Variants in PDZD7 observed in about 807,000 individuals in gnomAD.
PDZD7 encodes PDZ domain-containing protein 7.
PDZD7 carries 72 observed loss-of-function variants against 84.7 expected under a neutral mutation model. That is an observed-to-expected ratio of 0.85 (90% CI 0.70 to 1.03). The LOEUF (loss-of-function observed/expected upper bound fraction) is 1.03. Among genes scored for constraint, PDZD7 ranks in the 50% least tolerant of loss-of-function variants. The probability of loss-of-function intolerance (pLI) is 0.00; values close to 1 mark genes in which losing one functional copy is unlikely to be tolerated. For synonymous variants in PDZD7, 594 were observed against 580.7 expected (o/e 1.02, Z -0.33); for missense variants, 1,490 against 1,412.9 (o/e 1.05, Z -0.87).
At position 101,011,446 on chromosome 10, in the gene PDZD7, T is replaced by C. The variant is rs77802680; in HGVS notation, c.2005+244A>G. On this transcript the variant is annotated intron_variant, in intron 14 of 16. Transcript: ENST00000619208. ...CCAAACGTAATTTCTCAGAGGTTAC[T>C]GCATAGAATGAGACTAGATTTTAAA... 51,541 of 1,141,160 alleles carry C rather than the reference T, an allele frequency of 0.045. 1,370 individuals are homozygous for C. The highest frequency in any genetic ancestry group is 0.05 in the Non-Finnish European group (43,079 of 855,476). The allele number at this position is 1,141,160 out of a possible 1,614,324, so 70.7% of individuals were successfully genotyped here.
chr10:101,024,020 C>A lies in PDZD7; in HGVS notation c.275G>T (p.Ser92Ile). ...GCTGAAGCCCAGCCTCCCTGCTGGACTCTTCTCCACCCGGACTGAATGGAT... is the reference window on the plus strand; with the variant it reads ...GCTGAAGCCCAGCCTCCCTGCTGGAATCTTCTCCACCCGGACTGAATGGAT... The part of the protein sequence containing the change: ...DIIHSVRVEK[S>I]PAGRLGFSVR... Residue 92 changes from serine (S) to isoleucine (I), a missense_variant, in exon 3 of 17, where the codon AGT becomes ATT. Coordinates refer to ENST00000619208, the MANE Select transcript of PDZD7 (RefSeq NM_001195263.2). 6.2e-7 allele frequency: 1 copy of A among 1,614,280 alleles called. No individual in the cohort carries two copies. The highest frequency in any genetic ancestry group is 1.1e-5 in the South Asian group (1 of 91,090).
In PDZD7 at chr10:101,030,176, C is replaced by T; in HGVS notation, c.44G>A (p.Gly15Glu). The stretch of plus-strand genomic sequence containing the variant: ...GCTCAGAGAGCCGGAGCTCAGGTCT[C>T]CTAGGCCCAGTGGGTCGAAGCCCAC... ...FAVGFDPLGL[G>E]DLSSGSLSSL... is the part of the protein sequence containing the mutation. Residue 15 changes from glycine (G) to glutamate (E), a missense_variant, in exon 2 of 17, where the codon GGA becomes GAA. Coordinates refer to ENST00000619208, the MANE Select transcript of PDZD7 (RefSeq NM_001195263.2). 9 of 1,613,598 alleles carry T rather than the reference C, an allele frequency of 5.6e-6. No homozygotes were observed. Among genetic ancestry groups the T allele is most frequent in the Non-Finnish European group, 7.6e-6 (9 of 1,179,894 alleles).
Position 101,008,653 on chromosome 10 carries a change from G to A in PDZD7, c.2916C>T (p.Asp972=), listed in dbSNP as rs2133992342. Residue 972 remains aspartate (D), a synonymous_variant, in exon 17 of 17, where the codon GAC becomes GAT. Coordinates refer to ENST00000619208, the MANE Select transcript of PDZD7 (RefSeq NM_001195263.2). ...CAAGGGGTTGGTGGGCAGGCAAGTG[G>A]TCAGCAGGAAGGCCCCCATCAGTAA... The part of the protein sequence containing the change: ...SALTDGGLPA[D]HLPAHQPLDA... The A allele has an allele frequency of 1.3e-6, 2 of 1,536,110 alleles. No homozygotes were observed. Among genetic ancestry groups the A allele is most frequent in the Non-Finnish European group, 8.7e-7 (1 of 1,146,896 alleles).
Position 101,021,956 on chromosome 10 carries a change from A to ACAGG in PDZD7, c.720-15_720-12dup. Reference sequence around the variant, plus strand: ...CCACCATGGTCCACTCTGAGGCCAGACAGGCGTCAGTCTGATAGGCCCCTG... The same window carrying ACAGG: ...CCACCATGGTCCACTCTGAGGCCAGACAGGCAGGCGTCAGTCTGATAGGCCCCTG... On this transcript the variant is annotated splice_polypyrimidine_tract_variant and intron_variant, in intron 5 of 16. Transcript: ENST00000619208. 6.2e-7 allele frequency: 1 copy of ACAGG among 1,614,074 alleles called. No homozygotes were observed. The highest frequency in any genetic ancestry group is 2.2e-5 in the East Asian group (1 of 44,872).
Position 101,016,421 on chromosome 10 carries a change from C to T in PDZD7, c.1529G>A (p.Gly510Asp), listed in dbSNP as rs564604670. Residue 510 changes from glycine to aspartate, a missense_variant, in exon 10 of 17, where the codon GGC becomes GAC. Coordinates refer to ENST00000619208, the MANE Select transcript of PDZD7 (RefSeq NM_001195263.2). ...GACAAACTTCTGTACCGGGCCCACG[C>T]CCCCTGCTATGAAGAAGAAAGAGGC... ...YPRLDIEKAG[G>D]VGPVQKFVTW... 1.2e-5 allele frequency: 18 copies of T among 1,550,614 alleles called. No individual in the cohort carries two copies. In the East Asian group the frequency reaches 4.4e-4, roughly 38 times the overall value.
rs1300718592 is a variant in PDZD7 at position 101,017,796 on chromosome 10, AAAG to A, written c.1522+300_1522+302del. ...AGCAAAACTCCATCTCAAAAAAAAAAAAGAAAGAAAAAGAAAGAAAGGAAAGAA... is the reference window on the plus strand; with the variant it reads ...AGCAAAACTCCATCTCAAAAAAAAAAAAAGAAAAAGAAAGAAAGGAAAGAA... On this transcript the variant is annotated intron_variant, in intron 9 of 16. Coordinates refer to ENST00000619208, the MANE Select transcript of PDZD7 (RefSeq NM_001195263.2). 3.2e-4 allele frequency: 152 copies of A among 468,454 alleles called. 1 individual carries two copies. The highest frequency in any genetic ancestry group is 3.2e-3 in the East Asian group (85 of 26,678). The allele number at this position is 468,454 out of a possible 1,614,324, so 29.0% of individuals were successfully genotyped here.
Position 101,010,352 on chromosome 10 carries a change from C to G in PDZD7, c.2537G>C (p.Gly846Ala). 1 of 1,535,504 alleles carries G rather than the reference C, an allele frequency of 6.5e-7. No homozygotes were observed. Among genetic ancestry groups the G allele is most frequent in the Non-Finnish European group, 8.7e-7 (1 of 1,146,330 alleles). ...KQGPSESGTE[G>A]TAKEAAMKNP... The stretch of plus-strand genomic sequence containing the variant: ...CTTCATGGCTGCCTCCTTGGCCGTC[C>G]CCTCAGTTCCACTCTCCGAGGGCCC... The change falls in exon 15 of 17, where the codon GGG becomes GCG. Residue 846 changes from glycine to alanine, a missense_variant. Transcript: ENST00000619208.
intron 11 of PDZD7, among the ~76,000 whole-genome samples, chr10:101,014,570 T>A (rs1852525109): frequency 6.6e-6 from 1 of 152,020 alleles, no homozygotes; most frequent in African/African-American, 2.4e-5. Context: ...GCCCCTTAGC[T>A]TCCCCCAGCA....
intron 2 of PDZD7, among the ~76,000 whole-genome samples, chr10:101,027,732 A>T (rs1937804570): frequency 6.6e-6 from 1 of 152,122 alleles, no homozygotes; most frequent in South Asian, 2.1e-4. Flanking sequence ...TTTGTGATTT[A>T]TCTGTCTCTT....
intron 9 of PDZD7, 26 bp downstream of exon 9, chr10:101,018,073 T>C: frequency 6.2e-7 from 1 of 1,614,084 alleles, no homozygotes; most frequent in South Asian, 1.1e-5. Context: ...CACTTTGCCT[T>C]CCTGTTTGAT....
At chr10:101,014,363 G>A (rs1852513313) in intron 11 of PDZD7, among the ~76,000 whole-genome samples, 1 of 152,094 alleles carries the variant, frequency 6.6e-6, no homozygotes, top group African/African-American at 2.4e-5. Flanking sequence ...GTTGAGCTCG[G>A]CAGGTGGTAT....
rs1590058025 is a variant in PDZD7 at position 101,018,130 on chromosome 10, G to A, written c.1491C>T (p.Ala497=). 1 of 1,614,148 alleles carries A rather than the reference G, an allele frequency of 6.2e-7. No homozygotes were observed. The highest frequency in any genetic ancestry group is 2.2e-5 in the East Asian group (1 of 44,872). ...CTATGTCCAGGCGAGGGTAAGTTTT[G>A]GCCAGGCTCCCGCTGTCCAGTGTCC... is the stretch of plus-strand genomic sequence containing the variant. ...EAWTLDSGSL[A]KTYPRLDIEK... The change falls in exon 9 of 17, where the codon GCC becomes GCT. Residue 497 remains alanine, a synonymous_variant. Transcript: ENST00000619208.
Position 101,010,708 on chromosome 10 carries a change from G to A in PDZD7, c.2181C>T (p.Pro727=). Residue 727 remains proline, a synonymous_variant, in exon 15 of 17, where the codon CCC becomes CCT. Transcript: ENST00000619208. ...LQDVPVDAFT[P]LRIACTPPPQ... ...GAGGGGGTGTGCAGGCAATTCGGAG[G>A]GGGGTGAAGGCATCTACTGGCACGT... is the stretch of plus-strand genomic sequence containing the variant. 2 of 1,377,142 alleles carry A rather than the reference G, an allele frequency of 1.5e-6. No individual in the cohort carries two copies. Among genetic ancestry groups the A allele is most frequent in the East Asian group, 3.8e-5 (1 of 26,362 alleles). The allele number at this position is 1,377,142 out of a possible 1,614,324, so 85.3% of individuals were successfully genotyped here.
Position 101,023,524 on chromosome 10 carries a change from C to T in PDZD7, c.454G>A (p.Val152Met). 1 of 1,614,140 alleles carries T rather than the reference C, an allele frequency of 6.2e-7. No homozygotes were observed. Among genetic ancestry groups the T allele is most frequent in the Non-Finnish European group, 8.5e-7 (1 of 1,180,032 alleles). The change falls in exon 4 of 17, where the codon GTG (valine) becomes ATG (methionine). Residue 152 changes from valine (V) to methionine (M), a missense_variant. Coordinates refer to ENST00000619208, the MANE Select transcript of PDZD7 (RefSeq NM_001195263.2). ...ESTTMGSAVK[V>M]LTSSSRLHMM... ...TGCAGGCGGCTGCTGCTGGTCAGCACCTTTACGGCGCTACCCATGGTGGTG... is the reference window on the plus strand; with the variant it reads ...TGCAGGCGGCTGCTGCTGGTCAGCATCTTTACGGCGCTACCCATGGTGGTG...
Position 101,015,638 on chromosome 10 carries a change from G to T in PDZD7, c.1747C>A (p.Arg583=). 6 of 1,550,358 alleles carry T rather than the reference G, an allele frequency of 3.9e-6. No individual in the cohort carries two copies. The highest frequency in any genetic ancestry group is 4.4e-6 in the Non-Finnish European group (5 of 1,146,860). Residue 583 remains arginine, a splice_region_variant and synonymous_variant, in exon 11 of 17, where the codon CGG becomes AGG. Transcript: ENST00000619208. ...EVLAVTRHCS[R]YVHEGGIEDL... ...CTGCGGATGGGATGAAGGCTTACCCGGGAGCAGTGGCGGGTGACAGCCAGC... is the reference window on the plus strand; with the variant it reads ...CTGCGGATGGGATGAAGGCTTACCCTGGAGCAGTGGCGGGTGACAGCCAGC...
chr10:101,008,230 G>T lies in PDZD7; in HGVS notation c.*237C>A. 1.9e-6 allele frequency: 1 copy of T among 530,264 alleles called. No individual in the cohort carries two copies. Among genetic ancestry groups the T allele is most frequent in the Non-Finnish European group, 3.3e-6 (1 of 304,676 alleles). 32.8% of individuals were successfully genotyped at this position (530,264 alleles called of 1,614,324 possible). ...CCCCCTATCCTGGCTTGGGAGGTTG[G>T]GGAGCAGTGAGTGCAGGTGACACAG... On this transcript the variant is annotated 3_prime_UTR_variant, in exon 17 of 17. Coordinates refer to ENST00000619208, the MANE Select transcript of PDZD7 (RefSeq NM_001195263.2).
intron 6 of PDZD7, 75 bp from the exon 7 acceptor site, chr10:101,020,753 C>G (rs551390183): frequency 4.7e-6 from 5 of 1,060,744 alleles, no homozygotes; most frequent in Non-Finnish European, 7.3e-6. Context: ...GCGGGGGTGA[C>G]AGGATGGGAG....
chr10:101,016,308 C>A, intron 10 of PDZD7, 69 bp downstream of exon 10: 1 of 1,493,936 alleles, frequency 6.7e-7, no homozygotes. Context: ...ACTCAGCTGG[C>A]CCCCAGTATG....
rs201268590 is a variant in PDZD7 at position 101,018,879 on chromosome 10, C to G, written c.1267G>C (p.Ala423Pro). 1 of 1,604,700 alleles carries G rather than the reference C, an allele frequency of 6.2e-7. No homozygotes were observed. Among genetic ancestry groups the G allele is most frequent in the African/African-American group, 1.3e-5 (1 of 74,862 alleles). Residue 423 changes from alanine to proline, a missense_variant, in exon 8 of 17, where the codon GCC becomes CCC. By Grantham distance (27) the Ala-to-Pro change is conservative. Transcript: ENST00000619208. ...SESPKTALLL[A>P]LSRPRPPITR... Reference sequence around the variant, plus strand: ...ATGGGGGGCCGGGGTCGGCTGAGGGCCAGCAGCAAAGCCGTCTTGGGAGAC... The same window carrying G: ...ATGGGGGGCCGGGGTCGGCTGAGGGGCAGCAGCAAAGCCGTCTTGGGAGAC...
Sources: gnomAD v4.1 joint callset for allele counts (sites outside exome capture counted in the v4.1 genomes callset) on GRCh38, gnomAD v4.1.1 for gene constraint, MANE v1.5 for transcripts, NCBI Gene and HGNC (gene_info 2026-07-23, HGNC 2026-07-21) for gene names.